The following STXBP4 variants were observed in gnomAD, a reference collection of about 807,000 sequenced individuals.
STXBP4 encodes syntaxin binding protein 4, also known as syntaxin-binding protein 4.
STXBP4 carries 55 observed loss-of-function variants against 76.1 expected under a neutral mutation model. The observed-to-expected ratio is 0.72, with a 90% confidence interval of 0.58 to 0.91. STXBP4 has a LOEUF of 0.91. Among genes scored for constraint, STXBP4 ranks in the 40% least tolerant of loss-of-function variants. The probability of loss-of-function intolerance (pLI) is 0.00; values close to 1 mark genes in which losing one functional copy is unlikely to be tolerated. For synonymous variants in STXBP4, 201 were observed against 220.2 expected, an observed-to-expected ratio of 0.91 and a Z score of 0.77; for missense variants, 618 against 636.9, an observed-to-expected ratio of 0.97 and a Z score of 0.32.
chr17:55,170,049 G>C lies in STXBP4; in HGVS notation c.*10138G>C, dbSNP rs1286393669. 6.6e-6 allele frequency: 1 copy of C among 152,172 alleles called. No homozygotes were observed. Among genetic ancestry groups the C allele is most frequent in the African/African-American group, 2.4e-5 (1 of 41,440 alleles). The allele number at this position is 152,172 out of a possible 1,614,324, so 9.4% of individuals were successfully genotyped here. On this transcript the variant is annotated 3_prime_UTR_variant, in exon 18 of 18. Coordinates refer to ENST00000376352, the MANE Select transcript of STXBP4 (RefSeq NM_178509.6). The stretch of plus-strand genomic sequence containing the variant: ...AGTAATTATGTTAGTGCAGGTACAT[G>C]ACATAGATATCCTCAAATATTCTTA...
intron 12 of STXBP4, among the ~76,000 whole-genome samples, chr17:55,069,953 T>A (rs1335488714): frequency 6.6e-6 from 1 of 152,048 alleles, no homozygotes; most frequent in East Asian, 1.9e-4. Context: ...TTTTTTTTTT[T>A]AGATTGATTG....
rs147959312 is a variant in STXBP4 at position 55,001,790 on chromosome 17, G to A, written c.574+907G>A. ...TGGGATTACAGGCGCCTGCCACCAT[G>A]CCCGGCTAATTTTTTGTACTTTTAG... On this transcript the variant is annotated intron_variant, in intron 7 of 17. Coordinates refer to ENST00000376352, the MANE Select transcript of STXBP4 (RefSeq NM_178509.6). 3.2e-3 allele frequency among the ~76,000 whole-genome samples: 494 copies of A among 152,158 alleles called. 4 individuals are homozygous for A. The highest frequency in any genetic ancestry group is 0.012 in the African/African-American group (480 of 41,512).
chr17:55,131,986 G>A (rs2079978471), intron 16 of STXBP4, among the ~76,000 whole-genome samples: 1 of 151,994 alleles, frequency 6.6e-6, no homozygotes, highest in South Asian at 2.1e-4. Flanking sequence ...ACTTCCCAAA[G>A]TGCTGAGGTT....
chr17:55,111,628 G>T (rs1342679854), intron 16 of STXBP4, among the ~76,000 whole-genome samples: 2 of 152,102 alleles, frequency 1.3e-5, no homozygotes, highest in Non-Finnish European at 2.9e-5. Context: ...TTATTCATGG[G>T]CTGGCTGTGT....
intron 16 of STXBP4, among the ~76,000 whole-genome samples, chr17:55,103,940 G>C (rs1468502411): frequency 6.6e-6 from 1 of 152,124 alleles, no homozygotes; most frequent in African/African-American, 2.4e-5. Context: ...TCTATTATTG[G>C]TGTATAGGAA....
intron 12 of STXBP4, among the ~76,000 whole-genome samples, chr17:55,064,838 CT>C (rs2079031620): frequency 6.6e-6 from 1 of 152,002 alleles, no homozygotes. Context: ...AAACCTTTGT[CT>C]TTATGATTTT....
chr17:55,095,033 A>G (rs1179030094), intron 16 of STXBP4, among the ~76,000 whole-genome samples: 1 of 152,216 alleles, frequency 6.6e-6, no homozygotes, highest in Non-Finnish European at 1.5e-5. Flanking sequence ...TAGACAAGCA[A>G]GACTTAATTC....
the STXBP4 span, among the ~76,000 whole-genome samples, chr17:55,195,225 A>G: frequency 3.9e-5 from 6 of 152,178 alleles, no homozygotes; most frequent in Non-Finnish European, 8.8e-5. Flanking sequence ...GAACGCCTAG[A>G]TGGGACTGGG....
At chr17:55,158,751 A>C (rs1035367323) in intron 17 of STXBP4, among the ~76,000 whole-genome samples, 5 of 152,238 alleles carry the variant, frequency 3.3e-5, no homozygotes, top group African/African-American at 1.2e-4. Context: ...TAGGCCCCAC[A>C]AATTCAGAGA....
At chr17:54,987,693 A>T (rs529163712) in intron 3 of STXBP4, among the ~76,000 whole-genome samples, 2 of 152,254 alleles carry the variant, frequency 1.3e-5, no homozygotes, top group East Asian at 3.9e-4. Flanking sequence ...GTCATTTTCT[A>T]TTTTTTGCCA....
chr17:54,981,523 T>A (rs896022896), intron 1 of STXBP4, among the ~76,000 whole-genome samples: 3 of 152,180 alleles, frequency 2.0e-5, no homozygotes, highest in Non-Finnish European at 2.9e-5. Flanking sequence ...GGTGGTCTTC[T>A]TGGGAAAAAT....
chr17:55,183,372 G>T, the STXBP4 span, among the ~76,000 whole-genome samples: 1 of 152,122 alleles, frequency 6.6e-6, no homozygotes, highest in Non-Finnish European at 1.5e-5. Flanking sequence ...GATTGCTTGA[G>T]CCCAGGAGTT....
chr17:54,987,139 C>G (rs576727471), intron 3 of STXBP4, among the ~76,000 whole-genome samples: 1 of 152,162 alleles, frequency 6.6e-6, no homozygotes, highest in Non-Finnish European at 1.5e-5. Context: ...AGTCACATTA[C>G]CAAGATGCAT....
In STXBP4 at chr17:55,114,432, A is replaced by G. The variant is rs141210019; in HGVS notation, c.1490-26878A>G. On this transcript the variant is annotated intron_variant, in intron 16 of 17. Transcript: ENST00000376352. The stretch of plus-strand genomic sequence containing the variant: ...TGTGATTGGCTGTATCACAGTTATT[A>G]TCCCAGAAAGCCATTTACCATACAG... Among the ~76,000 whole-genome samples, 88 of 152,180 alleles carry G rather than the reference A, an allele frequency of 5.8e-4. 1 individual carries two copies. In the East Asian group the frequency reaches 0.016, roughly 27 times the overall value.
chr17:55,007,352 G>A (rs1351367994), intron 7 of STXBP4, among the ~76,000 whole-genome samples, 154 bp from the exon 8 acceptor site: 7 of 149,020 alleles, frequency 4.7e-5, no homozygotes, highest in African/African-American at 2.5e-5. Context: ...AAAAAAAAAA[G>A]AAAAGAAAAA....
At chr17:55,181,086 C>T in the STXBP4 span, among the ~76,000 whole-genome samples, 2 of 152,222 alleles carry the variant, frequency 1.3e-5, no homozygotes, top group East Asian at 3.8e-4. Flanking sequence ...CTCTATCACA[C>T]TAGCAACCTA....
chr17:54,973,905 A>G (rs1201937731), intron 1 of STXBP4, among the ~76,000 whole-genome samples: 1 of 152,214 alleles, frequency 6.6e-6, no homozygotes, highest in Non-Finnish European at 1.5e-5. Context: ...CTGGTTAGCT[A>G]TAATCATGTC....
At chr17:55,202,056 C>T in the STXBP4 span, among the ~76,000 whole-genome samples, 1 of 151,186 alleles carries the variant, frequency 6.6e-6, no homozygotes, top group South Asian at 2.1e-4. Context: ...AATAATTTAC[C>T]TTTAATTTGT....
chr17:55,061,332 G>T (rs945197758), intron 12 of STXBP4, among the ~76,000 whole-genome samples: 1 of 152,108 alleles, frequency 6.6e-6, no homozygotes, highest in African/African-American at 2.4e-5. Context: ...CATTTAAAAA[G>T]CAGCAAAGCC....
Sources: allele counts gnomAD v4.1 joint callset (sites outside exome capture counted in the v4.1 genomes callset), GRCh38; gene constraint gnomAD v4.1.1; transcripts MANE v1.5; gene names NCBI Gene and HGNC (gene_info 2026-07-23, HGNC 2026-07-21).